The following GTF2A1L variants were observed in gnomAD, a reference collection of about 807,000 sequenced individuals.
The protein encoded by GTF2A1L is general transcription factor IIA subunit 1 like.
A neutral mutation model predicts 49.7 loss-of-function variants in GTF2A1L; 48 were observed. That is an observed-to-expected ratio of 0.97 (90% confidence interval 0.77 to 1.23). GTF2A1L has a LOEUF of 1.23. Among genes scored for constraint, GTF2A1L ranks in the 50% most tolerant of loss-of-function variants. The pLI, the probability that GTF2A1L is intolerant of heterozygous loss-of-function variation, is 0.00. For missense variants in GTF2A1L, 736 were observed against 564.8 expected (o/e 1.30, Z -3.07); for synonymous variants, 246 against 193.5 (o/e 1.27, Z -2.25).
At chr2:48,637,299 GA>G (rs778301954) in intron 3 of GTF2A1L, among the ~76,000 whole-genome samples, 2 of 152,136 alleles carry the variant, frequency 1.3e-5, no homozygotes, top group Non-Finnish European at 2.9e-5. Context: ...TGGTGAATAA[GA>G]AACAATACAC....
chr2:48,633,183 C>G (rs1363027974), intron 3 of GTF2A1L: 1 of 219,012 alleles, frequency 4.6e-6, no homozygotes. Flanking sequence ...GGTACCCTCA[C>G]CCTCAGGGCC....
Position 48,646,844 on chromosome 2 carries a change from G to A in GTF2A1L, c.780G>A (p.Val260=), listed in dbSNP as rs374447015. The change falls in exon 6 of 9, where the codon GTG becomes GTA. Residue 260 remains valine (V), a synonymous_variant. Transcript: ENST00000403751. ...AGGTCTCTCAAACAAATTCTAATGT[G>A]GAGTCAGTGCTCAGTGGTTCAGCTA... The part of the protein sequence containing the change: ...SPQVSQTNSN[V]ESVLSGSASM... The A allele has an allele frequency of 6.2e-7, 1 of 1,614,070 alleles. No individual in the cohort carries two copies. The highest frequency in any genetic ancestry group is 1.1e-5 in the South Asian group (1 of 91,088).
chr2:48,671,749 T>C, intron 8 of GTF2A1L, 69 bp downstream of exon 8: 2 of 1,408,756 alleles, frequency 1.4e-6, no homozygotes, highest in Non-Finnish European at 9.8e-7. Flanking sequence ...TGTAAAATGA[T>C]GGGAAATAAG....
intron 6 of GTF2A1L, among the ~76,000 whole-genome samples, chr2:48,668,290 A>G (rs577157039): frequency 1.3e-5 from 2 of 152,290 alleles, no homozygotes; most frequent in South Asian, 2.1e-4. Context: ...CTTATGTAAT[A>G]TGTGTGTCAA....
At chr2:48,632,749 GTTGACA>G (rs1676654914) in intron 3 of GTF2A1L, 1 of 162,134 alleles carries the variant, frequency 6.2e-6, no homozygotes, top group African/African-American at 2.4e-5. Flanking sequence ...AAGAGCTCAA[GTTGACA>G]TCAGTCCAAT....
At chr2:48,663,457 A>G (rs781129696) in intron 6 of GTF2A1L, among the ~76,000 whole-genome samples, 17 of 152,120 alleles carry the variant, frequency 1.1e-4, no homozygotes, top group East Asian at 1.9e-4. Context: ...ATCAATCTCA[A>G]TCAATCAAAA....
In GTF2A1L at chr2:48,671,626, G is replaced by C; in HGVS notation, c.1275G>C (p.Gln425His). 6.2e-7 allele frequency: 1 copy of C among 1,613,680 alleles called. No individual in the cohort carries two copies. The highest frequency in any genetic ancestry group is 2.2e-5 in the East Asian group (1 of 44,870). The change falls in exon 8 of 9, where the codon CAG becomes CAC. Residue 425 changes from glutamine (Q) to histidine (H), a missense_variant. Coordinates refer to ENST00000403751, the MANE Select transcript of GTF2A1L (RefSeq NM_006872.5). ...ATTCTGGAGATGATGTTAGTGAACA[G>C]GATGTGCCAGACCTGTTTGACACGG... ...PLNSGDDVSE[Q>H]DVPDLFDTDN...
chr2:48,668,840 AT>A (rs1679012259), intron 6 of GTF2A1L, among the ~76,000 whole-genome samples: 7 of 104,686 alleles, frequency 6.7e-5, no homozygotes, highest in African/African-American at 1.7e-4. Flanking sequence ...GCCTCAAAAA[AT>A]AAATAAATAA....
intron 6 of GTF2A1L, among the ~76,000 whole-genome samples, chr2:48,661,892 C>CGTTTAGAGTAATTACTGATCG (rs1453029645): frequency 6.6e-6 from 1 of 151,998 alleles, no homozygotes; most frequent in East Asian, 1.9e-4. Context: ...AATTCATTTG[C>CGTTTAGAGTAATTACTGATCG]GTTTAGAGTA....
intron 6 of GTF2A1L, among the ~76,000 whole-genome samples, chr2:48,657,284 C>G (rs928187438): frequency 6.6e-6 from 1 of 152,084 alleles, no homozygotes; most frequent in Non-Finnish European, 1.5e-5. Context: ...TCCCCAATGT[C>G]TATTATTTCC....
chr2:48,637,873 C>T lies in GTF2A1L; in HGVS notation c.248-4529C>T, dbSNP rs559408733. Among the ~76,000 whole-genome samples, 149 of 151,988 alleles carry T rather than the reference C, an allele frequency of 9.8e-4. 1 individual carries two copies. Among genetic ancestry groups the T allele is most frequent in the African/African-American group, 3.5e-3 (144 of 41,492 alleles). Reference sequence around the variant, plus strand: ...AATAAAGAGAGAAGATCCAAATAAACACAACTAGAAATGAAGGGAGTGTTA... The same window carrying T: ...AATAAAGAGAGAAGATCCAAATAAATACAACTAGAAATGAAGGGAGTGTTA... On this transcript the variant is annotated intron_variant, in intron 3 of 8. Coordinates refer to ENST00000403751, the MANE Select transcript of GTF2A1L (RefSeq NM_006872.5).
Position 48,646,590 on chromosome 2 carries a change from A to G in GTF2A1L, c.526A>G (p.Asn176Asp). ...SVIQTSVPQL[N>D]PWSLQATTEK... ...AATACAAACTAGTGTTCCACAATTGAATCCATGGTCTCTTCAAGCAACTAC... is the reference window on the plus strand; with the variant it reads ...AATACAAACTAGTGTTCCACAATTGGATCCATGGTCTCTTCAAGCAACTAC... Residue 176 changes from asparagine to aspartate, a missense_variant, in exon 6 of 9, where the codon AAT becomes GAT. By Grantham distance (23) the Asn-to-Asp change is conservative. Coordinates refer to ENST00000403751, the MANE Select transcript of GTF2A1L (RefSeq NM_006872.5). The G allele has an allele frequency of 1.2e-6, 2 of 1,614,166 alleles. No individual in the cohort carries two copies. Among genetic ancestry groups the G allele is most frequent in the Non-Finnish European group, 1.7e-6 (2 of 1,180,044 alleles).
intron 6 of GTF2A1L, among the ~76,000 whole-genome samples, chr2:48,648,075 A>G (rs1460714897): frequency 6.6e-6 from 1 of 152,098 alleles, no homozygotes; most frequent in Admixed American, 6.5e-5. Flanking sequence ...GGGCATAGTG[A>G]AAGGCCAGGA....
intron 3 of GTF2A1L, among the ~76,000 whole-genome samples, chr2:48,622,850 A>T (rs1676085313): frequency 6.6e-6 from 1 of 151,096 alleles, no homozygotes; most frequent in African/African-American, 2.4e-5. Flanking sequence ...AAAAAAAAAA[A>T]GCATGGTGAA....
At chr2:48,624,695 C>T (rs539693677) in intron 3 of GTF2A1L, among the ~76,000 whole-genome samples, 2 of 143,718 alleles carry the variant, frequency 1.4e-5, no homozygotes, top group African/African-American at 4.9e-5. Context: ...CTTTCACCTA[C>T]ATCTTCTTAT....
At chr2:48,661,423 T>G (rs536392975) in intron 6 of GTF2A1L, among the ~76,000 whole-genome samples, 1 of 151,798 alleles carries the variant, frequency 6.6e-6, no homozygotes, top group South Asian at 2.1e-4. Context: ...CTGGCTAATT[T>G]TTGTACTTTT....
intron 6 of GTF2A1L, among the ~76,000 whole-genome samples, chr2:48,657,597 CT>C (rs1678253742): frequency 6.6e-6 from 1 of 152,006 alleles, no homozygotes; most frequent in African/African-American, 2.4e-5. Flanking sequence ...AGAAATATTT[CT>C]TTTCCTTTGG....
At chr2:48,644,727 G>C (rs1022073418) in intron 4 of GTF2A1L, among the ~76,000 whole-genome samples, 43 of 152,158 alleles carry the variant, frequency 2.8e-4, no homozygotes, top group African/African-American at 9.2e-4. Context: ...AATTTTTGCA[G>C]GTCTGAGAAC....
intron 8 of GTF2A1L, among the ~76,000 whole-genome samples, chr2:48,675,666 G>T (rs1384406453): frequency 4.6e-5 from 7 of 151,914 alleles, no homozygotes; most frequent in South Asian, 2.1e-4. Flanking sequence ...GAGGTGTTCT[G>T]TGCTACAAAT....
Sources: allele counts gnomAD v4.1 joint callset (sites outside exome capture counted in the v4.1 genomes callset), GRCh38; gene constraint gnomAD v4.1.1; transcripts MANE v1.5; gene names NCBI Gene and HGNC (gene_info 2026-07-23, HGNC 2026-07-21).